AKAP8L: variants seen among roughly 807,000 people sequenced by gnomAD.
AKAP8L encodes the protein A-kinase anchoring protein 8 like.
Under a neutral mutation model 77.5 loss-of-function variants are expected in AKAP8L, and 34 were observed. The ratio of observed to expected loss-of-function variants is 0.44; its 90% CI spans 0.33 to 0.58. The LOEUF (loss-of-function observed/expected upper bound fraction) is 0.58. Ranked by LOEUF, AKAP8L falls within the 20% of genes least tolerant of loss-of-function variation. The pLI is 0.02. For synonymous variants in AKAP8L, 342 were observed against 340.7 expected (o/e 1.00, Z -0.04); for missense variants, 806 against 887.6 (o/e 0.91, Z 1.17).
chr19:15,397,672 G>T lies in AKAP8L; in HGVS notation c.1299+42C>A, dbSNP rs1482978363. ...ATGTGGGCCGCCTTATGTTCTCAGG[G>T]GTCCAAGAAACTAAGAGCGGCTGTG... On this transcript the variant is annotated intron_variant, in intron 10 of 13. Transcript: ENST00000397410. This position sits in a 1 kb window ranked among gnomAD's most constrained non-coding sequence, Gnocchi z 4.7. The T allele has an allele frequency of 1.9e-6, 3 of 1,613,816 alleles. No individual in the cohort carries two copies. In the African/African-American group the frequency reaches 4.0e-5, roughly 22 times the overall value.
At position 15,399,385 on chromosome 19, in the gene AKAP8L, A is replaced by G. The variant is rs1220021089; in HGVS notation, c.1074T>C (p.Asn358=). Residue 358 remains asparagine, a synonymous_variant, in exon 9 of 14, where the codon AAT becomes AAC. Coordinates refer to ENST00000397410, the MANE Select transcript of AKAP8L (RefSeq NM_014371.4). This position sits in a 1 kb window ranked among gnomAD's most constrained non-coding sequence, Gnocchi z 6.1. ...CCTGCAACTTGCGCTTGGTCTGGCC[A>G]TTTTCATCCTGGGTGGTTAGGGCCC... is the stretch of plus-strand genomic sequence containing the variant. The part of the protein sequence containing the change: ...EKGALTTQDE[N]GQTKRKLQAG... 1.2e-6 allele frequency: 2 copies of G among 1,613,550 alleles called. No individual in the cohort carries two copies. Among genetic ancestry groups the G allele is most frequent in the Admixed American group, 3.3e-5 (2 of 59,976 alleles).
intron 2 of AKAP8L, among the ~76,000 whole-genome samples, chr19:15,409,555 A>G (rs1968068470): frequency 6.6e-6 from 1 of 152,194 alleles, no homozygotes. Context: ...AGATCTTGGT[A>G]GTAAAAGAAA....
At chr19:15,406,362 G>GGGGAGAGA (rs1555700853) in intron 2 of AKAP8L, among the ~76,000 whole-genome samples, 5 of 89,364 alleles carry the variant, frequency 5.6e-5, no homozygotes, top group African/African-American at 2.6e-4. Context: ...GAAATTTTAA[G>GGGGAGAGA]GAGAGAGAGA....
At chr19:15,387,909 A>G (rs895257391) in intron 12 of AKAP8L, among the ~76,000 whole-genome samples, 5 of 151,374 alleles carry the variant, frequency 3.3e-5, no homozygotes, top group Non-Finnish European at 7.4e-5. Flanking sequence ...CAGCAAGCCA[A>G]GATCGCGCCA....
chr19:15,395,856 C>T (rs1185072699), intron 12 of AKAP8L, among the ~76,000 whole-genome samples: 4 of 144,020 alleles, frequency 2.8e-5, no homozygotes, highest in African/African-American at 5.1e-5. Flanking sequence ...TGGTAGCGGG[C>T]GCCTGTAGTC....
At chr19:15,417,099 T>C (rs1310253188) in intron 1 of AKAP8L, among the ~76,000 whole-genome samples, 1 of 152,192 alleles carries the variant, frequency 6.6e-6, no homozygotes, top group African/African-American at 2.4e-5. Flanking sequence ...AACTACAGCC[T>C]ACAAGACCTA....
At position 15,392,338 on chromosome 19, in the gene AKAP8L, A is replaced by G. The variant is rs1319019631; in HGVS notation, c.1536+4812T>C. 3.3e-5 allele frequency among the ~76,000 whole-genome samples: 5 copies of G among 152,000 alleles called. No individual in the cohort carries two copies. In the East Asian group the frequency reaches 9.8e-4, roughly 30 times the overall value. ...TGGTGAAACCCTGTCTCTACAAAAA[A>G]TACAAAAATTAGCTGGGCATAGTGG... On this transcript the variant is annotated intron_variant, in intron 12 of 13. Coordinates refer to ENST00000397410, the MANE Select transcript of AKAP8L (RefSeq NM_014371.4).
At position 15,397,058 on chromosome 19, in the gene AKAP8L, C is replaced by T; in HGVS notation, c.1536+92G>A. The T allele has an allele frequency of 6.4e-7, 1 of 1,556,130 alleles. No homozygotes were observed. Among genetic ancestry groups the T allele is most frequent in the Non-Finnish European group, 8.8e-7 (1 of 1,140,646 alleles). Reference sequence around the variant, plus strand: ...TCCTCCTGCCTCCACTGCAGTCCCTCACGGGCTGGCAGAGGTTCCAACTGC... The same window carrying T: ...TCCTCCTGCCTCCACTGCAGTCCCTTACGGGCTGGCAGAGGTTCCAACTGC... On this transcript the variant is annotated intron_variant, in intron 12 of 13. Transcript: ENST00000397410. This position sits in a 1 kb window ranked among gnomAD's most constrained non-coding sequence, Gnocchi z 4.7.
intron 2 of AKAP8L, among the ~76,000 whole-genome samples, chr19:15,405,927 AAAAAAGAAAGAAAAG>A (rs1225113206): frequency 6.6e-6 from 1 of 152,060 alleles, no homozygotes; most frequent in African/African-American, 2.4e-5. Context: ...GTCTCAAAAA[AAAAAAGAAAGAAAAG>A]AAAAAGAAAA....
intron 12 of AKAP8L, among the ~76,000 whole-genome samples, chr19:15,396,706 C>T (rs1967784540): frequency 1.3e-5 from 2 of 152,194 alleles, no homozygotes; most frequent in South Asian, 4.1e-4. Flanking sequence ...CCCCCACCAC[C>T]CCACCCAGGT....
chr19:15,408,563 CAAAA>C (rs1281747013), intron 2 of AKAP8L, among the ~76,000 whole-genome samples: 16 of 67,100 alleles, frequency 2.4e-4, no homozygotes, highest in East Asian at 9.0e-4. Flanking sequence ...AACTCCATCT[CAAAA>C]AAAAAAAAAA....
chr19:15,397,068 CA>C lies in AKAP8L; in HGVS notation c.1536+81del. ...TCCACTGCAGTCCCTCACGGGCTGG[CA>C]GAGGTTCCAACTGCACAACCTCCCC... On this transcript the variant is annotated intron_variant, in intron 12 of 13. Coordinates refer to ENST00000397410, the MANE Select transcript of AKAP8L (RefSeq NM_014371.4). This position sits in a 1 kb window ranked among gnomAD's most constrained non-coding sequence, Gnocchi z 4.7. 1 of 1,578,472 alleles carries C rather than the reference CA, an allele frequency of 6.3e-7. No individual in the cohort carries two copies. The highest frequency in any genetic ancestry group is 1.7e-5 in the Admixed American group (1 of 58,976).
intron 12 of AKAP8L, among the ~76,000 whole-genome samples, chr19:15,390,246 T>A (rs548972976): frequency 8.6e-5 from 13 of 151,746 alleles, no homozygotes; most frequent in Non-Finnish European, 1.9e-4. Flanking sequence ...CAAAACCCCG[T>A]CTCTACAAAA....
chr19:15,404,756 A>G (rs1459169617), intron 2 of AKAP8L, among the ~76,000 whole-genome samples: 1 of 152,216 alleles, frequency 6.6e-6, no homozygotes, highest in Non-Finnish European at 1.5e-5. Context: ...TGCCCCGCAG[A>G]GGACATGCTC....
intron 4 of AKAP8L, among the ~76,000 whole-genome samples, chr19:15,402,120 A>G (rs10854144): frequency 1.2e-4 from 18 of 152,174 alleles, no homozygotes; most frequent in Non-Finnish European, 2.6e-4. Flanking sequence ...TTACCAAAAC[A>G]ACTGAGACAA....
At chr19:15,415,842 C>T (rs1432145707) in intron 1 of AKAP8L, among the ~76,000 whole-genome samples, 2 of 150,892 alleles carry the variant, frequency 1.3e-5, no homozygotes, top group Non-Finnish European at 3.0e-5. Context: ...GCCGAGATGG[C>T]GCCACTGCAC....
chr19:15,400,394 C>CTTT (rs113004130), intron 7 of AKAP8L, 36 bp from the exon 8 acceptor site: 11 of 1,382,630 alleles, frequency 8.0e-6, no homozygotes, highest in African/African-American at 3.0e-5. Flanking sequence ...AAACAGGTGC[C>CTTT]TTTTTTTTTT....
At chr19:15,396,144 C>A (rs550695664) in intron 12 of AKAP8L, among the ~76,000 whole-genome samples, 3 of 152,208 alleles carry the variant, frequency 2.0e-5, no homozygotes, top group African/African-American at 7.2e-5. Flanking sequence ...GTCCACCGTT[C>A]AGAATCATCA....
At chr19:15,393,119 C>G (rs958064822) in intron 12 of AKAP8L, among the ~76,000 whole-genome samples, 7 of 151,754 alleles carry the variant, frequency 4.6e-5, no homozygotes, top group African/African-American at 1.7e-4. Flanking sequence ...TCAAATGGTG[C>G]CGGAACAACT....
Sources: allele counts gnomAD v4.1 joint callset (sites outside exome capture counted in the v4.1 genomes callset), GRCh38; gene constraint gnomAD v4.1.1; non-coding constraint Gnocchi (gnomAD v3.1); transcripts MANE v1.5; gene names NCBI Gene and HGNC (gene_info 2026-07-23, HGNC 2026-07-21).